Variants in LCN10 observed in about 807,000 individuals in gnomAD.
The protein encoded by LCN10 is lipocalin 10.
LCN10 carries 18 observed loss-of-function variants against 25.1 expected under a neutral mutation model. The ratio of observed to expected loss-of-function variants is 0.72; its 90% confidence interval spans 0.50 to 1.06. The LOEUF is 1.06. Ranked by LOEUF, LCN10 falls within the 50% of genes least tolerant of loss-of-function variation. The pLI, the probability that LCN10 is intolerant of heterozygous loss-of-function variation, is 0.00. For synonymous variants in LCN10, 130 were observed against 116.7 expected, an observed-to-expected ratio of 1.11 and a Z score of -0.73; for missense variants, 257 against 258.9, an observed-to-expected ratio of 0.99 and a Z score of 0.05.
chr9:136,739,326 C>G lies in LCN10; in HGVS notation c.*199G>C. On this transcript the variant is annotated 3_prime_UTR_variant, in exon 6 of 6. Transcript: ENST00000497771. The surrounding 1 kb of genome is among the most constrained non-coding windows in gnomAD (Gnocchi z 6.1). ...GGGGCCTGGCTGACATCTCGCCACC[C>G]GGTCAGCCTGTATCCTCCTTCCCCC... 1 of 595,218 alleles carries G rather than the reference C, an allele frequency of 1.7e-6. No individual in the cohort carries two copies. Among genetic ancestry groups the G allele is most frequent in the South Asian group, 1.9e-5 (1 of 52,104 alleles). 36.9% of individuals were successfully genotyped at this position (595,218 alleles called of 1,614,324 possible). A position where few individuals can be genotyped will look rare whatever the true frequency, so the allele number is the denominator to read the frequency against.
At position 136,739,747 on chromosome 9, in the gene LCN10, A is replaced by G; in HGVS notation, c.575-194T>C. On this transcript the variant is annotated intron_variant, in intron 5 of 5. Coordinates refer to ENST00000497771, the MANE Select transcript of LCN10 (RefSeq NM_001001712.3). This position sits in a 1 kb window ranked among gnomAD's most constrained non-coding sequence, Gnocchi z 6.1. ...TGGTCGGATGCAGCATCTGCTCCGG[A>G]CGCCTCTCGCTGTCGGTGCCAGGCC... The G allele has an allele frequency of 1.4e-6, 1 of 732,258 alleles. No homozygotes were observed. Among genetic ancestry groups the G allele is most frequent in the East Asian group, 2.7e-5 (1 of 37,102 alleles). 45.4% of individuals were successfully genotyped at this position (732,258 alleles called of 1,614,324 possible).
At chr9:136,742,583 A>C in intron 1 of LCN10, 3 of 612,220 alleles carry the variant, frequency 4.9e-6, no homozygotes, top group Non-Finnish European at 5.5e-6. Flanking sequence ...TGGGCCCCCG[A>C]ACCCCCTCGA....
rs750613268 is a variant in LCN10, at chr9:136,742,803, G to C, written c.101C>G (p.Ala34Gly). The C allele has an allele frequency of 1.9e-5, 30 of 1,613,336 alleles. No homozygotes were observed. The South Asian group carries it at 3.3e-4, about 18-fold the overall frequency. Residue 34 changes from alanine (A) to glycine (G), a missense_variant, in exon 1 of 6, where the codon GCC becomes GGC. By Grantham distance (60) the Ala-to-Gly change is moderately conservative. Coordinates refer to ENST00000497771, the MANE Select transcript of LCN10 (RefSeq NM_001001712.3). ...VQEWYPRESHALNWNKFSGFW... is the reference protein window; with the variant it reads ...VQEWYPRESHGLNWNKFSGFW... The stretch of plus-strand genomic sequence containing the variant: ...ATGGCTCACCTTGTTCCAGTTGAGG[G>C]CGTGGGACTCCCTGGGGTACCACTC...
At chr9:136,741,844 AG>A in intron 2 of LCN10, 36 bp downstream of exon 2, 1 of 1,572,674 alleles carries the variant, frequency 6.4e-7, no homozygotes, top group Non-Finnish European at 8.6e-7. Context: ...TCCTCCTGGA[AG>A]GGGAGACCCT....
chr9:136,742,556 G>A (rs1189670005), intron 1 of LCN10: 1 of 578,844 alleles, frequency 1.7e-6, no homozygotes, highest in Admixed American at 3.0e-5. Flanking sequence ...CTCCACCCTG[G>A]CCCTCCCTGA....
chr9:136,742,896 T>A lies in LCN10; in HGVS notation c.8A>T (p.Gln3Leu), dbSNP rs758929944. 6.8e-6 allele frequency: 11 copies of A among 1,613,318 alleles called. No individual in the cohort carries two copies. Among genetic ancestry groups the A allele is most frequent in the Non-Finnish European group, 6.8e-6 (8 of 1,179,718 alleles). MR[Q>L]GLLVLALVLV... Reference sequence around the variant, plus strand: ...CACCAGCGCCAGCACCAGCAGCCCCTGCCTCATCTTCACCCTCCTCCCTCA... The same window carrying A: ...CACCAGCGCCAGCACCAGCAGCCCCAGCCTCATCTTCACCCTCCTCCCTCA... The change falls in exon 1 of 6, where the codon CAG becomes CTG. Residue 3 changes from glutamine to leucine, a missense_variant. Transcript: ENST00000497771.
chr9:136,739,482 G>A lies in LCN10; in HGVS notation c.*43C>T. 2 of 1,575,026 alleles carry A rather than the reference G, an allele frequency of 1.3e-6. No individual in the cohort carries two copies. The highest frequency in any genetic ancestry group is 1.3e-5 in the African/African-American group (1 of 74,196). Reference sequence around the variant, plus strand: ...TCTGGAACAACGCTCCTCGGGTCTGGGAGGACCACGCGTCGAAAGGGAAGA... The same window carrying A: ...TCTGGAACAACGCTCCTCGGGTCTGAGAGGACCACGCGTCGAAAGGGAAGA... On this transcript the variant is annotated 3_prime_UTR_variant, in exon 6 of 6. Coordinates refer to ENST00000497771, the MANE Select transcript of LCN10 (RefSeq NM_001001712.3). The surrounding 1 kb of genome is among the most constrained non-coding windows in gnomAD (Gnocchi z 6.1).
chr9:136,742,344 C>T, intron 1 of LCN10: 1 of 415,930 alleles, frequency 2.4e-6, no homozygotes, highest in East Asian at 4.4e-5. Context: ...TCGGCCACTT[C>T]CCTTCCTGCC....
chr9:136,742,813 C>T lies in LCN10; in HGVS notation c.91G>A (p.Glu31Lys). The T allele has an allele frequency of 1.9e-6, 3 of 1,613,528 alleles. No homozygotes were observed. The highest frequency in any genetic ancestry group is 2.5e-6 in the Non-Finnish European group (3 of 1,179,804). ...TTGTTCCAGTTGAGGGCGTGGGACT[C>T]CCTGGGGTACCACTCCTGCACCTGG... ...GSQVQEWYPR[E>K]SHALNWNKFS... is the part of the protein sequence containing the mutation. The change falls in exon 1 of 6, where the codon GAG (glutamate) becomes AAG (lysine). Residue 31 changes from glutamate to lysine, a missense_variant. Glu to Lys is a moderately conservative substitution (Grantham distance 56). Transcript: ENST00000497771.
chr9:136,741,157 T>G, intron 3 of LCN10, 95 bp downstream of exon 3: 1 of 1,178,450 alleles, frequency 8.5e-7, no homozygotes, highest in South Asian at 1.3e-5. Flanking sequence ...GACGCCTGCC[T>G]GCCACGTGCT....
chr9:136,741,817 G>A (rs1418180454), intron 2 of LCN10, 64 bp downstream of exon 2: 16 of 1,527,156 alleles, frequency 1.0e-5, no homozygotes, highest in Non-Finnish European at 1.4e-5. Context: ...CTCCTTTCCA[G>A]CCCCGAGGCA....
intron 1 of LCN10, 50 bp from the exon 2 acceptor site, chr9:136,742,070 C>T: frequency 6.2e-7 from 1 of 1,603,588 alleles, no homozygotes; most frequent in Non-Finnish European, 8.5e-7. Context: ...CGGGGGCTGT[C>T]CCCACCCCCG....
chr9:136,740,830 G>T lies in LCN10; in HGVS notation c.475+6C>A. 6.2e-7 allele frequency: 1 copy of T among 1,608,826 alleles called. No individual in the cohort carries two copies. ...CCATCCTCTGCCATCCGCTGTGCCT[G>T]CTCACGGAAGAGCAGCAGGTTCTTG... On this transcript the variant is annotated splice_donor_region_variant and intron_variant, in intron 4 of 5. Coordinates refer to ENST00000497771, the MANE Select transcript of LCN10 (RefSeq NM_001001712.3). The surrounding 1 kb of genome is among the most constrained non-coding windows in gnomAD (Gnocchi z 5.3).
intron 1 of LCN10, chr9:136,742,312 C>T (rs1452431939): frequency 8.6e-6 from 4 of 466,374 alleles, no homozygotes; most frequent in Middle Eastern, 5.9e-4. Flanking sequence ...TCCCACATGG[C>T]CTCCTGGGGG....
rs1846905507 is a variant in LCN10 at position 136,740,297 on chromosome 9, C to G, written c.476-249G>C. 1.8e-6 allele frequency: 1 copy of G among 542,632 alleles called. No individual in the cohort carries two copies. Among genetic ancestry groups the G allele is most frequent in the Admixed American group, 3.1e-5 (1 of 32,474 alleles). The allele number at this position is 542,632 out of a possible 1,614,324, so 33.6% of individuals were successfully genotyped here. A position where few individuals can be genotyped will look rare whatever the true frequency, so the allele number is the denominator to read the frequency against. On this transcript the variant is annotated intron_variant, in intron 4 of 5. Coordinates refer to ENST00000497771, the MANE Select transcript of LCN10 (RefSeq NM_001001712.3). The surrounding 1 kb of genome is among the most constrained non-coding windows in gnomAD (Gnocchi z 5.3). ...CTCTGCCTGCAGAGTCCCCTCCAGC[C>G]AGCCCCTCAGCTGTGCCCCAGCTTG...
Position 136,741,861 on chromosome 9 carries a change from G to C in LCN10, c.257+20C>G, listed in dbSNP as rs768834013. ...CTCCTGGAAGGGGAGACCCTTGCCT[G>C]GGGGGCGCTGCCCACTCACCGTCTG... is the stretch of plus-strand genomic sequence containing the variant. On this transcript the variant is annotated intron_variant, in intron 2 of 5. Coordinates refer to ENST00000497771, the MANE Select transcript of LCN10 (RefSeq NM_001001712.3). 6.3e-7 allele frequency: 1 copy of C among 1,590,412 alleles called. No homozygotes were observed. The highest frequency in any genetic ancestry group is 8.5e-7 in the Non-Finnish European group (1 of 1,169,776).
chr9:136,742,352 G>GCCGGCCC (rs1846955760), intron 1 of LCN10: 2 of 408,758 alleles, frequency 4.9e-6, no homozygotes, highest in African/African-American at 2.0e-5. Flanking sequence ...TTCCCTTCCT[G>GCCGGCCC]CCGGCCCCCG....
At position 136,742,007 on chromosome 9, in the gene LCN10, C is replaced by T; in HGVS notation, c.131G>A (p.Trp44Ter). 6.2e-7 allele frequency: 1 copy of T among 1,612,916 alleles called. No individual in the cohort carries two copies. The highest frequency in any genetic ancestry group is 8.5e-7 in the Non-Finnish European group (1 of 1,179,762). Residue 44 changes from tryptophan (W) to a stop codon, truncating the protein, a stop_gained, in exon 2 of 6, where the codon TGG (tryptophan) becomes TAG (stop). Transcript: ENST00000497771. LOFTEE classifies it high-confidence loss of function. ...ATCAGTGGCAGTGGCCAGAATGTAC[C>T]AGAACCCTGAAAACTGCGCAGCGGA... ...ALNWNKFSGF[W>*]YILATATDAQ...
chr9:136,740,145 G>T lies in LCN10; in HGVS notation c.476-97C>A. On this transcript the variant is annotated intron_variant, in intron 4 of 5. Coordinates refer to ENST00000497771, the MANE Select transcript of LCN10 (RefSeq NM_001001712.3). This position sits in a 1 kb window ranked among gnomAD's most constrained non-coding sequence, Gnocchi z 5.3. ...TCCCTACCCCAGGAGCTGCTGAAATGTCCTCAGAGCTTAGGCGTGAAGCAG... is the reference window on the plus strand; with the variant it reads ...TCCCTACCCCAGGAGCTGCTGAAATTTCCTCAGAGCTTAGGCGTGAAGCAG... 2 of 853,212 alleles carry T rather than the reference G, an allele frequency of 2.3e-6. No individual in the cohort carries two copies. The highest frequency in any genetic ancestry group is 3.9e-6 in the Non-Finnish European group (2 of 512,602). 52.9% of individuals were successfully genotyped at this position (853,212 alleles called of 1,614,324 possible).
Sources: gnomAD v4.1 joint callset for allele counts on GRCh38, gnomAD v4.1.1 for gene constraint, Gnocchi (gnomAD v3.1) non-coding constraint, MANE v1.5 for transcripts, NCBI Gene and HGNC (gene_info 2026-07-23, HGNC 2026-07-21) for gene names.